SLC4A10: variants seen among roughly 807,000 people sequenced by gnomAD.
SLC4A10 encodes the protein solute carrier family 4 member 10.
A neutral mutation model predicts 137.7 loss-of-function variants in SLC4A10; 42 were observed. The ratio of observed to expected loss-of-function variants is 0.30; its 90% CI spans 0.24 to 0.39. SLC4A10 has a LOEUF of 0.39. SLC4A10 is among the 10% of genes least tolerant of loss of function. The pLI is 1.00. For missense variants in SLC4A10, 925 were observed against 1,355.0 expected, an observed-to-expected ratio of 0.68 and a Z score of 4.98; for synonymous variants, 474 against 464.1, an observed-to-expected ratio of 1.02 and a Z score of -0.27.
intron 2 of SLC4A10, among the ~76,000 whole-genome samples, chr2:161,800,384 T>C (rs1045648252): frequency 2.6e-5 from 4 of 152,068 alleles, no homozygotes; most frequent in African/African-American, 9.7e-5. Flanking sequence ...AATATCTATT[T>C]ATTCAATGGA....
intron 1 of SLC4A10, among the ~76,000 whole-genome samples, chr2:161,723,010 A>C (rs1282033129): frequency 1.3e-5 from 2 of 152,210 alleles, no homozygotes. Flanking sequence ...CAAACTACTC[A>C]GTATCCCTAG....
chr2:161,666,280 C>T (rs1249642462), intron 1 of SLC4A10, among the ~76,000 whole-genome samples: 1 of 151,602 alleles, frequency 6.6e-6, no homozygotes, highest in African/African-American at 2.4e-5. Flanking sequence ...ATTTTAGAAG[C>T]TTTGAAATGA....
At chr2:161,929,257 G>A (rs1479853880) in intron 15 of SLC4A10, among the ~76,000 whole-genome samples, 4 of 152,108 alleles carry the variant, frequency 2.6e-5, no homozygotes, top group African/African-American at 9.7e-5. Flanking sequence ...GTTTTGTTTT[G>A]TTGATAGCAC....
At chr2:161,922,363 T>C (rs1688297006) in intron 15 of SLC4A10, among the ~76,000 whole-genome samples, 1 of 152,250 alleles carries the variant, frequency 6.6e-6, no homozygotes, top group East Asian at 1.9e-4. Flanking sequence ...CTTAGAAAAG[T>C]ATAAGTACTA....
At chr2:161,827,773 G>C (rs2058116766) in intron 3 of SLC4A10, among the ~76,000 whole-genome samples, 1 of 152,144 alleles carries the variant, frequency 6.6e-6, no homozygotes, top group African/African-American at 2.4e-5. Flanking sequence ...CGCCATGTTA[G>C]CCAGGATGGT....
At chr2:161,682,114 A>T (rs1395428034) in intron 1 of SLC4A10, among the ~76,000 whole-genome samples, 1 of 152,152 alleles carries the variant, frequency 6.6e-6, no homozygotes, top group Non-Finnish European at 1.5e-5. Context: ...AATGTATTTT[A>T]TAAAATACCA....
chr2:161,724,052 G>A (rs1044967969), intron 1 of SLC4A10, among the ~76,000 whole-genome samples: 6 of 152,038 alleles, frequency 3.9e-5, no homozygotes, highest in Non-Finnish European at 7.4e-5. Context: ...CTTCCTTATC[G>A]CAACCTCAAA....
At chr2:161,934,859 GT>G (rs1453837150) in intron 15 of SLC4A10, among the ~76,000 whole-genome samples, 5 of 151,706 alleles carry the variant, frequency 3.3e-5, no homozygotes, top group Non-Finnish European at 7.4e-5. Context: ...TTTATGGTTT[GT>G]AAATATTTTA....
In SLC4A10 at chr2:161,894,754, GT is replaced by G; in HGVS notation, c.1272del (p.Thr425LeufsTer14). On this transcript the variant is annotated frameshift_variant, in exon 11 of 27. Coordinates refer to ENST00000446997, the MANE Select transcript of SLC4A10 (RefSeq NM_001178015.2). LOFTEE classifies it high-confidence loss of function. ...AGGAATTGATGAGTTTCTGGATCAG[GT>G]TACTGTTCTCCCTCCTGGAGAATGG... ...VSGIDEFLDQ[V>X]TVLPPGEWDP... 1 of 1,444,566 alleles carries G rather than the reference GT, an allele frequency of 6.9e-7. No individual in the cohort carries two copies. The highest frequency in any genetic ancestry group is 9.2e-7 in the Non-Finnish European group (1 of 1,088,276). The allele number at this position is 1,444,566 out of a possible 1,614,324, so 89.5% of individuals were successfully genotyped here. A position where few individuals can be genotyped will look rare whatever the true frequency, so the allele number is the denominator to read the frequency against.
chr2:161,882,537 A>G, intron 10 of SLC4A10, 93 bp downstream of exon 10: 1 of 708,592 alleles, frequency 1.4e-6, no homozygotes. Context: ...GTTGTGAATC[A>G]GATTTCTCTG....
intron 6 of SLC4A10, among the ~76,000 whole-genome samples, chr2:161,865,433 G>A (rs1396399586): frequency 6.6e-6 from 1 of 151,946 alleles, no homozygotes; most frequent in African/African-American, 2.4e-5. Context: ...TGTACAATCA[G>A]CCTTTATCTG....
intron 2 of SLC4A10, among the ~76,000 whole-genome samples, chr2:161,793,319 C>T (rs1307485946): frequency 6.6e-6 from 1 of 152,096 alleles, no homozygotes; most frequent in Admixed American, 6.6e-5. Context: ...TCCACTCTCA[C>T]TATTTTTCAG....
At chr2:161,633,203 C>T (rs1458917537) in intron 1 of SLC4A10, among the ~76,000 whole-genome samples, 2 of 151,564 alleles carry the variant, frequency 1.3e-5, no homozygotes, top group Non-Finnish European at 3.0e-5. Flanking sequence ...GTGGGTTTAC[C>T]AGGGCATAAC....
intron 5 of SLC4A10, among the ~76,000 whole-genome samples, chr2:161,857,821 TAGAA>T (rs1325070529): frequency 6.6e-6 from 1 of 152,122 alleles, no homozygotes; most frequent in African/African-American, 2.4e-5. Context: ...AACAGATAAA[TAGAA>T]AGTTCTTTAT....
chr2:161,741,064 G>A (rs562587232), intron 1 of SLC4A10, among the ~76,000 whole-genome samples: 1 of 152,126 alleles, frequency 6.6e-6, no homozygotes, highest in South Asian at 2.1e-4. Flanking sequence ...CTTGAGTCCA[G>A]GAGTTCAAGA....
chr2:161,815,410 A>C (rs2056959359), intron 3 of SLC4A10, among the ~76,000 whole-genome samples: 1 of 152,000 alleles, frequency 6.6e-6, no homozygotes, highest in Non-Finnish European at 1.5e-5. Context: ...GAAGGTGCCT[A>C]CTTCTCCTTC....
At chr2:161,660,721 T>G (rs576843608) in intron 1 of SLC4A10, among the ~76,000 whole-genome samples, 4 of 151,246 alleles carry the variant, frequency 2.6e-5, no homozygotes, top group African/African-American at 9.7e-5. Flanking sequence ...TGACACGACC[T>G]TGGCTCACTG....
At chr2:161,766,921 T>C (rs1356801214) in intron 1 of SLC4A10, among the ~76,000 whole-genome samples, 1 of 151,118 alleles carries the variant, frequency 6.6e-6, no homozygotes, top group Non-Finnish European at 1.5e-5. Flanking sequence ...CAGAAAGATA[T>C]AAGACCACAG....
intron 1 of SLC4A10, among the ~76,000 whole-genome samples, chr2:161,689,444 A>G (rs1314844228): frequency 6.6e-6 from 1 of 152,326 alleles, no homozygotes; most frequent in Middle Eastern, 3.4e-3. Flanking sequence ...ACAATTGCAT[A>G]CACTATTCAG....
Sources: gnomAD v4.1 joint callset for allele counts (sites outside exome capture counted in the v4.1 genomes callset) on GRCh38, gnomAD v4.1.1 for gene constraint, MANE v1.5 for transcripts, NCBI Gene and HGNC (gene_info 2026-07-23, HGNC 2026-07-21) for gene names.